The following LINGO2 variants were observed in gnomAD, a reference collection of about 807,000 sequenced individuals.
LINGO2 encodes the protein leucine rich repeat and Ig domain containing 2, also known as leucine-rich repeat and immunoglobulin-like domain-containing nogo receptor-interacting protein 2.
In LINGO2, 14 loss-of-function variants were observed where a neutral mutation model predicts 30.6. That is an observed-to-expected ratio of 0.46 (90% CI 0.30 to 0.72). LINGO2 has a LOEUF of 0.72. LINGO2 is among the 30% of genes least tolerant of loss of function. LINGO2 has a pLI of 0.07. For missense variants in LINGO2, 729 were observed against 751.7 expected (o/e 0.97, Z 0.35); for synonymous variants, 317 against 288.5 (o/e 1.10, Z -1.00).
At chr9:29,112,990 G>T in the LINGO2 span, among the ~76,000 whole-genome samples, 35,790 of 152,080 alleles carry the variant, frequency 0.24, 4,354 homozygotes, top group East Asian at 0.41. Flanking sequence ...GTAAGTAAAG[G>T]ATTAGAATTT....
intron 1 of LINGO2, among the ~76,000 whole-genome samples, chr9:28,535,440 G>A (rs1348755292): frequency 6.6e-6 from 1 of 152,128 alleles, no homozygotes. Flanking sequence ...GTTGGGAGAA[G>A]AGGGTGAGAT....
intron 1 of LINGO2, among the ~76,000 whole-genome samples, chr9:28,667,823 G>T (rs1267895107): frequency 1.3e-5 from 2 of 152,050 alleles, no homozygotes; most frequent in Non-Finnish European, 2.9e-5. Context: ...AGTTATCCTT[G>T]GGTTTATAAA....
intron 5 of LINGO2, among the ~76,000 whole-genome samples, chr9:27,975,016 A>G (rs1203567885): frequency 1.3e-5 from 2 of 152,094 alleles, no homozygotes; most frequent in Admixed American, 6.6e-5. Context: ...TTGCCAGAGG[A>G]GTTATTAGAA....
chr9:29,091,900 A>G, the LINGO2 span, among the ~76,000 whole-genome samples: 1 of 152,010 alleles, frequency 6.6e-6, no homozygotes, highest in Non-Finnish European at 1.5e-5. Flanking sequence ...CTATTATTAA[A>G]AGTTATAGCC....
At chr9:29,134,464 A>G in the LINGO2 span, among the ~76,000 whole-genome samples, 2 of 151,960 alleles carry the variant, frequency 1.3e-5, no homozygotes, top group African/African-American at 2.4e-5. Flanking sequence ...TTTTTTTTAT[A>G]TTTTGTTGGT....
chr9:28,998,187 G>C, the LINGO2 span, among the ~76,000 whole-genome samples: 1 of 152,098 alleles, frequency 6.6e-6, no homozygotes, highest in Non-Finnish European at 1.5e-5. Context: ...AGAGTGCTAT[G>C]ATTGATTATT....
At chr9:27,997,008 A>G (rs1384392584) in intron 5 of LINGO2, among the ~76,000 whole-genome samples, 1 of 152,234 alleles carries the variant, frequency 6.6e-6, no homozygotes, top group African/African-American at 2.4e-5. Context: ...ACAGGTTTCA[A>G]AAATTCTCTT....
At chr9:28,312,362 G>T (rs2134260549) in intron 3 of LINGO2, among the ~76,000 whole-genome samples, 1 of 151,814 alleles carries the variant, frequency 6.6e-6, no homozygotes, top group African/African-American at 2.4e-5. Context: ...GAGAGAAGAG[G>T]GGGTAATAGA....
At chr9:28,768,558 A>T in the LINGO2 span, among the ~76,000 whole-genome samples, 4 of 151,236 alleles carry the variant, frequency 2.6e-5, no homozygotes, top group Non-Finnish European at 4.4e-5. Context: ...AGCACTGGAG[A>T]TGTTCACCTC....
intron 4 of LINGO2, among the ~76,000 whole-genome samples, chr9:28,172,034 C>CAAAAAAAAAAAA: frequency 1.0e-5 from 1 of 98,722 alleles, no homozygotes; most frequent in Admixed American, 1.5e-4. Context: ...AAAAAAAAAA[C>CAAAAAAAAAAAA]AAAAAAAAAA....
At chr9:28,433,941 C>A (rs1385767280) in intron 2 of LINGO2, among the ~76,000 whole-genome samples, 8 of 49,622 alleles carry the variant, frequency 1.6e-4, no homozygotes, top group Admixed American at 8.8e-4. Flanking sequence ...CTCTCTCTCT[C>A]TCTCTCTCTA....
At chr9:28,705,535 T>C in the LINGO2 span, among the ~76,000 whole-genome samples, 1 of 152,094 alleles carries the variant, frequency 6.6e-6, no homozygotes, top group Non-Finnish European at 1.5e-5. Flanking sequence ...AAATAGCTTC[T>C]CCTGAAGGCA....
intron 3 of LINGO2, among the ~76,000 whole-genome samples, chr9:28,367,945 C>T (rs1005324081): frequency 6.6e-6 from 1 of 152,044 alleles, no homozygotes; most frequent in African/African-American, 2.4e-5. Context: ...TGGAAACTCT[C>T]CTTAAGGGTA....
chr9:28,071,000 C>T (rs898775599), intron 4 of LINGO2, among the ~76,000 whole-genome samples: 18 of 152,278 alleles, frequency 1.2e-4, no homozygotes, highest in African/African-American at 4.1e-4. Flanking sequence ...CAGGCCTAAG[C>T]CACCATGCCT....
chr9:28,962,929 C>A, the LINGO2 span, among the ~76,000 whole-genome samples: 2 of 151,894 alleles, frequency 1.3e-5, no homozygotes, highest in Non-Finnish European at 2.9e-5. Context: ...TCTTCTCATC[C>A]TTTACCTTCT....
rs531174454 is a variant in LINGO2, at chr9:28,581,671, T to C, written c.-365+88529A>G. ...ATAGATTCTTGTGAATAGATGCTGA[T>C]TATAATGTAAATATACATAAACACA... is the stretch of plus-strand genomic sequence containing the variant. On this transcript the variant is annotated intron_variant, in intron 1 of 5. Transcript: ENST00000379992. Among the ~76,000 whole-genome samples the C allele has an allele frequency of 7.9e-5, 12 of 151,934 alleles. No homozygotes were observed. In the East Asian group the frequency reaches 2.3e-3, roughly 29 times the overall value.
At chr9:28,338,152 C>T (rs1223208634) in intron 3 of LINGO2, among the ~76,000 whole-genome samples, 2 of 152,138 alleles carry the variant, frequency 1.3e-5, no homozygotes, top group African/African-American at 2.4e-5. Flanking sequence ...TCATGCAAGC[C>T]CACCTCTTGC....
At chr9:28,189,185 G>C (rs936769147) in intron 4 of LINGO2, among the ~76,000 whole-genome samples, 22 of 149,950 alleles carry the variant, frequency 1.5e-4, no homozygotes, top group Admixed American at 2.0e-4. Flanking sequence ...AAGATAGCCA[G>C]AGCAGTGATC....
chr9:28,469,238 T>C (rs549847789), intron 2 of LINGO2, among the ~76,000 whole-genome samples: 2 of 147,804 alleles, frequency 1.4e-5, no homozygotes, highest in South Asian at 4.3e-4. Context: ...TGAAGGAAAG[T>C]CACCTAAAAC....
Sources: gnomAD v4.1 joint callset for allele counts (sites outside exome capture counted in the v4.1 genomes callset) on GRCh38, gnomAD v4.1.1 for gene constraint, MANE v1.5 for transcripts, NCBI Gene and HGNC (gene_info 2026-07-23, HGNC 2026-07-21) for gene names.